Variants in GANC observed in about 807,000 individuals in gnomAD.
GANC encodes the protein neutral alpha-glucosidase C.
In GANC, 117 loss-of-function variants were observed where a neutral mutation model predicts 124.2. That is an observed-to-expected ratio of 0.94 (90% CI 0.81 to 1.10). The LOEUF is 1.10. GANC is among the 50% of genes least tolerant of loss of function. The probability of loss-of-function intolerance (pLI) is 0.00; values close to 1 mark genes in which losing one functional copy is unlikely to be tolerated. For synonymous variants in GANC, 377 were observed against 376.8 expected, an observed-to-expected ratio of 1.00 and a Z score of -0.01; for missense variants, 1,140 against 1,095.0, an observed-to-expected ratio of 1.04 and a Z score of -0.58.
chr15:42,282,785 T>G (rs1595762585), intron 3 of GANC, among the ~76,000 whole-genome samples: 3 of 152,210 alleles, frequency 2.0e-5, no homozygotes, highest in Admixed American at 2.0e-4. Flanking sequence ...GCTAGGCAGC[T>G]TACACAACAG....
At chr15:42,345,913 T>G in intron 20 of GANC, 81 bp downstream of exon 20, 2 of 974,110 alleles carry the variant, frequency 2.1e-6, no homozygotes, top group Non-Finnish European at 3.2e-6. Flanking sequence ...TACCACAGAC[T>G]GGGTGGTTTT....
intron 15 of GANC, among the ~76,000 whole-genome samples, chr15:42,331,115 A>G (rs541103838): frequency 1.3e-5 from 2 of 152,302 alleles, no homozygotes; most frequent in East Asian, 1.9e-4. Context: ...TTCCTTTTCA[A>G]TAGCCATTGG....
intron 6 of GANC, among the ~76,000 whole-genome samples, chr15:42,301,795 C>T (rs2051948411): frequency 6.6e-6 from 1 of 152,218 alleles, no homozygotes; most frequent in South Asian, 2.1e-4. Flanking sequence ...AGCCAGACTG[C>T]CTCTCTAGAT....
At chr15:42,316,478 C>G (rs940061418) in intron 10 of GANC, among the ~76,000 whole-genome samples, 1 of 152,196 alleles carries the variant, frequency 6.6e-6, no homozygotes, top group South Asian at 2.1e-4. Flanking sequence ...TTTAGGCAGC[C>G]AAAGCAGAGA....
Position 42,308,209 on chromosome 15 carries a change from C to G in GANC, c.626-13C>G. 1 of 1,542,758 alleles carries G rather than the reference C, an allele frequency of 6.5e-7. No individual in the cohort carries two copies. On this transcript the variant is annotated splice_polypyrimidine_tract_variant and intron_variant, in intron 7 of 23. Transcript: ENST00000318010. ...CTTTTCAGAAACAAAACTCAGTATC[C>G]TGGTCTCTACAGGCCCTTCTTCTAT...
chr15:42,308,342 T>C (rs760375625), intron 8 of GANC, 24 bp downstream of exon 8: 5 of 1,441,126 alleles, frequency 3.5e-6, no homozygotes, highest in Non-Finnish European at 3.9e-6. Flanking sequence ...AGAATTCTTA[T>C]GGGAGTCTCT....
rs1339894901 is a variant in GANC, at chr15:42,321,846, A to G, written c.1119A>G (p.Glu373=). Residue 373 remains glutamate (E), a synonymous_variant, in exon 11 of 24, where the codon GAA becomes GAG. Coordinates refer to ENST00000318010, the MANE Select transcript of GANC (RefSeq NM_198141.3). ...ACCACCAGTGCCGCTGGAACTATGA[A>G]GATGAGCAGGATGTAAAAGCAGTGG... ...LGYHQCRWNY[E]DEQDVKAVDA... The G allele has an allele frequency of 1.2e-6, 2 of 1,614,116 alleles. No homozygotes were observed. Among genetic ancestry groups the G allele is most frequent in the African/African-American group, 2.7e-5 (2 of 74,942 alleles).
rs370535770 is a variant in GANC at position 42,330,679 on chromosome 15, A to G, written c.1741+7A>G. 5 of 1,592,904 alleles carry G rather than the reference A, an allele frequency of 3.1e-6. No individual in the cohort carries two copies. In the African/African-American group the frequency reaches 6.8e-5, roughly 22 times the overall value. On this transcript the variant is annotated splice_region_variant and intron_variant, in intron 15 of 23. Coordinates refer to ENST00000318010, the MANE Select transcript of GANC (RefSeq NM_198141.3). ...GCTGGATCACAAAAGTATGGTAAGG[A>G]ATGGCTCATATCAGACTTAAAAACA...
intron 3 of GANC, chr15:42,280,823 A>G: frequency 3.1e-6 from 2 of 638,432 alleles, no homozygotes; most frequent in Non-Finnish European, 5.6e-6. Flanking sequence ...GCGTGATACC[A>G]GTTTGCGGTG....
At chr15:42,276,850 T>C (rs1350266009) in intron 2 of GANC, among the ~76,000 whole-genome samples, 1 of 141,252 alleles carries the variant, frequency 7.1e-6, no homozygotes, top group Non-Finnish European at 1.6e-5. Context: ...GCTTTTCTCT[T>C]TTTTTAATCA....
intron 21 of GANC, 125 bp from the exon 22 acceptor site, chr15:42,349,258 G>T: frequency 1.5e-6 from 1 of 649,692 alleles, no homozygotes. Flanking sequence ...GTATTTGTAC[G>T]ACTACTTTAT....
rs117381239 is a variant in GANC at position 42,349,424 on chromosome 15, A to G, written c.2460A>G (p.Ser820=). 1,289 of 1,613,788 alleles carry G rather than the reference A, an allele frequency of 8.0e-4. 1 individual carries two copies. The highest frequency in any genetic ancestry group is 9.3e-4 in the Non-Finnish European group (1,097 of 1,179,714). Residue 820 remains serine (S), a synonymous_variant, in exon 22 of 24, where the codon TCA becomes TCG. Transcript: ENST00000318010. ...VGELYLDDGH[S]FQYLHQKQFL... ...AGTTATATCTTGATGATGGCCATTC[A>G]TTCCAATACCTCCACCAGAAGCAAT...
chr15:42,273,298 A>G lies in GANC; in HGVS notation c.-1184A>G, dbSNP rs374705120. ...CCATTTGGACCGGTCGGCAGCAGCT[A>G]CGGTTGCCGGTCCCGCACTGAAAAA... On this transcript the variant is annotated 5_prime_UTR_variant, in exon 1 of 24. Transcript: ENST00000318010. 6.2e-7 allele frequency: 1 copy of G among 1,614,174 alleles called. No individual in the cohort carries two copies. Among genetic ancestry groups the G allele is most frequent in the Non-Finnish European group, 8.5e-7 (1 of 1,180,034 alleles).
intron 10 of GANC, among the ~76,000 whole-genome samples, chr15:42,316,698 C>G (rs141954814): frequency 0.033 from 5,021 of 152,230 alleles, 136 homozygotes; most frequent in Non-Finnish European, 0.043. Flanking sequence ...TGGATAATAT[C>G]CAGCCTCCCA....
chr15:42,325,511 T>A (rs1448145146), intron 11 of GANC, among the ~76,000 whole-genome samples: 1 of 152,202 alleles, frequency 6.6e-6, no homozygotes, highest in Non-Finnish European at 1.5e-5. Flanking sequence ...CTAATATGCC[T>A]GCACCACTGG....
At chr15:42,278,753 G>A (rs542171975) in intron 3 of GANC, among the ~76,000 whole-genome samples, 163 bp downstream of exon 3, 2 of 152,300 alleles carry the variant, frequency 1.3e-5, no homozygotes, top group African/African-American at 4.8e-5. Flanking sequence ...CAGCACTCTG[G>A]GAGGCAGAAG....
At chr15:42,329,708 T>C (rs1347235721) in intron 14 of GANC, among the ~76,000 whole-genome samples, 3 of 152,216 alleles carry the variant, frequency 2.0e-5, no homozygotes, top group Non-Finnish European at 4.4e-5. Context: ...TCTGCCTTGA[T>C]AGGAGCCATT....
chr15:42,329,577 C>A, intron 14 of GANC, 128 bp downstream of exon 14: 2 of 952,564 alleles, frequency 2.1e-6, no homozygotes, highest in Non-Finnish European at 1.5e-6. Flanking sequence ...CTGACAACTG[C>A]AATGAGTCTT....
Position 42,326,250 on chromosome 15 carries a change from T to G in GANC, c.1294-48T>G, listed in dbSNP as rs1286115391. The G allele has an allele frequency of 6.0e-6, 8 of 1,337,294 alleles. No individual in the cohort carries two copies. The Admixed American group carries it at 1.4e-4, about 24-fold the overall frequency. The allele number at this position is 1,337,294 out of a possible 1,614,324, so 82.8% of individuals were successfully genotyped here. On this transcript the variant is annotated intron_variant, in intron 11 of 23. Transcript: ENST00000318010. Reference sequence around the variant, plus strand: ...TGGCGAAAACATATACGTGAACATTTGTCTTACATAAAACTGATGAGACCT... The same window carrying G: ...TGGCGAAAACATATACGTGAACATTGGTCTTACATAAAACTGATGAGACCT...
Sources: allele counts gnomAD v4.1 joint callset (sites outside exome capture counted in the v4.1 genomes callset), GRCh38; gene constraint gnomAD v4.1.1; transcripts MANE v1.5; gene names NCBI Gene and HGNC (gene_info 2026-07-23, HGNC 2026-07-21).